The following ANKRD30B variants were observed in gnomAD, a reference collection of about 807,000 sequenced individuals.
ANKRD30B encodes the protein ankyrin repeat domain-containing protein 30B.
In ANKRD30B, 144 loss-of-function variants were observed where a neutral mutation model predicts 202.2. The ratio of observed to expected loss-of-function variants is 0.71; its 90% CI spans 0.62 to 0.82. ANKRD30B has a LOEUF of 0.82. Among genes scored for constraint, ANKRD30B ranks in the 40% least tolerant of loss-of-function variants. ANKRD30B has a pLI of 0.00. For synonymous variants in ANKRD30B, 508 were observed against 561.3 expected (o/e 0.91, Z 1.34); for missense variants, 1,487 against 1,669.1 (o/e 0.89, Z 1.90).
intron 16 of ANKRD30B, 145 bp downstream of exon 16, chr18:14,791,636 C>A: frequency 1.6e-6 from 1 of 633,198 alleles, no homozygotes; most frequent in East Asian, 3.0e-5. Flanking sequence ...ATAAGTTATA[C>A]GTCTTATCAG....
chr18:14,796,541 T>C (rs1968909171), intron 18 of ANKRD30B, 126 bp downstream of exon 18: 1 of 1,195,220 alleles, frequency 8.4e-7, no homozygotes, highest in Non-Finnish European at 1.1e-6. Flanking sequence ...AAACAAATAA[T>C]GCCAATGTTA....
the ANKRD30B span, among the ~76,000 whole-genome samples, chr18:14,923,508 T>G: frequency 6.6e-6 from 1 of 152,002 alleles, no homozygotes; most frequent in Non-Finnish European, 1.5e-5. Context: ...CCAAGAACAT[T>G]TGTAAGGTTT....
chr18:14,902,344 A>G, the ANKRD30B span, among the ~76,000 whole-genome samples: 1 of 152,190 alleles, frequency 6.6e-6, no homozygotes, highest in Non-Finnish European at 1.5e-5. Flanking sequence ...GGGACCTCAA[A>G]AAAGAGGGAT....
At chr18:14,754,843 G>A (rs1281137350) in intron 3 of ANKRD30B, 56 bp from the exon 4 acceptor site, 20 of 1,237,708 alleles carry the variant, frequency 1.6e-5, no homozygotes, top group Non-Finnish European at 2.2e-5. Flanking sequence ...AAGGTATTCA[G>A]TTCAGCTGAG....
At chr18:14,844,645 T>A (rs951652359) in intron 39 of ANKRD30B, among the ~76,000 whole-genome samples, 1 of 152,238 alleles carries the variant, frequency 6.6e-6, no homozygotes, top group African/African-American at 2.4e-5. Flanking sequence ...TCCAGATCCT[T>A]GAAGAATTGC....
rs778844771 is a variant in ANKRD30B, at chr18:14,796,430, T to G, written c.1927+15T>G. 1 of 1,539,052 alleles carries G rather than the reference T, an allele frequency of 6.5e-7. No individual in the cohort carries two copies. The highest frequency in any genetic ancestry group is 1.4e-5 in the African/African-American group (1 of 72,434). On this transcript the variant is annotated intron_variant, in intron 18 of 43. Transcript: ENST00000690538. The stretch of plus-strand genomic sequence containing the variant: ...ATTCAAAGCAGGTAAATTTTGTAAT[T>G]TAACTTTTAATCTGTAATTAAGAAT...
At chr18:14,882,204 A>G in the ANKRD30B span, among the ~76,000 whole-genome samples, 2 of 152,110 alleles carry the variant, frequency 1.3e-5, no homozygotes, top group African/African-American at 4.8e-5. Context: ...GTGAACTTAG[A>G]TTGTCTGTTT....
intron 34 of ANKRD30B, among the ~76,000 whole-genome samples, chr18:14,835,261 T>C (rs1168975458): frequency 6.6e-6 from 1 of 151,746 alleles, no homozygotes; most frequent in Non-Finnish European, 1.5e-5. Context: ...GCTCATAATA[T>C]AGGTATGTAA....
chr18:14,868,506 A>G, the ANKRD30B span, among the ~76,000 whole-genome samples: 2 of 152,280 alleles, frequency 1.3e-5, no homozygotes, highest in Admixed American at 6.5e-5. Flanking sequence ...GGATCCCCCC[A>G]TGTAAGATAA....
intron 10 of ANKRD30B, among the ~76,000 whole-genome samples, chr18:14,779,047 C>T (rs1438140671): frequency 2.0e-5 from 3 of 152,024 alleles, no homozygotes; most frequent in Non-Finnish European, 4.4e-5. Flanking sequence ...AGACTACAGA[C>T]GTAGACATTA....
chr18:14,827,541 T>A (rs1326496434), intron 32 of ANKRD30B, among the ~76,000 whole-genome samples: 2 of 152,164 alleles, frequency 1.3e-5, no homozygotes, highest in Admixed American at 1.3e-4. Context: ...AATTCATTGC[T>A]TATTTGTTGG....
the ANKRD30B span, among the ~76,000 whole-genome samples, chr18:14,899,395 A>T: frequency 6.6e-6 from 1 of 152,338 alleles, no homozygotes; most frequent in Admixed American, 6.5e-5. Context: ...AACATCAAAG[A>T]TGACAAAATC....
chr18:14,795,186 C>A (rs1331237883), intron 16 of ANKRD30B, among the ~76,000 whole-genome samples: 1 of 152,176 alleles, frequency 6.6e-6, no homozygotes, highest in Non-Finnish European at 1.5e-5. Flanking sequence ...GTTTTTGATA[C>A]TTTCATATCA....
intron 24 of ANKRD30B, among the ~76,000 whole-genome samples, chr18:14,807,045 C>T (rs1401168777): frequency 1.3e-5 from 2 of 150,956 alleles, no homozygotes; most frequent in Non-Finnish European, 3.0e-5. Context: ...ACCTGCAACA[C>T]GGTCATGCAT....
chr18:14,927,578 G>A, the ANKRD30B span, among the ~76,000 whole-genome samples: 1 of 152,184 alleles, frequency 6.6e-6, no homozygotes, highest in South Asian at 2.1e-4. Flanking sequence ...AGCCAAAATT[G>A]CAGATGAAGC....
chr18:14,901,157 T>G, the ANKRD30B span, among the ~76,000 whole-genome samples: 1 of 152,218 alleles, frequency 6.6e-6, no homozygotes, highest in Non-Finnish European at 1.5e-5. Flanking sequence ...ATAATCAAAT[T>G]TCCTTGTCAA....
chr18:14,829,209 A>G (rs1260676636), intron 33 of ANKRD30B, among the ~76,000 whole-genome samples: 1 of 152,082 alleles, frequency 6.6e-6, no homozygotes, highest in East Asian at 1.9e-4. Flanking sequence ...GATTTTAAGG[A>G]CTCTTGGAGA....
intron 34 of ANKRD30B, among the ~76,000 whole-genome samples, chr18:14,836,627 G>A (rs1971186056): frequency 6.6e-6 from 1 of 152,138 alleles, no homozygotes; most frequent in Non-Finnish European, 1.5e-5. Context: ...TGCATATTGA[G>A]TGGATACCCA....
At chr18:14,879,755 TAGGGTCAGGGGATAGGGGTC>T in the ANKRD30B span, among the ~76,000 whole-genome samples, 1 of 150,348 alleles carries the variant, frequency 6.7e-6, no homozygotes, top group South Asian at 2.1e-4. Context: ...GGTTAGGGGT[TAGGGTCAGGGGATAGGGGTC>T]AGGGTCAGGG....
Sources: allele counts gnomAD v4.1 joint callset (sites outside exome capture counted in the v4.1 genomes callset), GRCh38; gene constraint gnomAD v4.1.1; transcripts MANE v1.5; gene names NCBI Gene and HGNC (gene_info 2026-07-23, HGNC 2026-07-21).